TENM1: variants seen among roughly 807,000 people sequenced by gnomAD.
TENM1 encodes the protein teneurin transmembrane protein 1.
A neutral mutation model predicts 174.8 loss-of-function variants in TENM1; 35 were observed. That is an observed-to-expected ratio of 0.20 (90% CI 0.15 to 0.27). The LOEUF is 0.27. Ranked by LOEUF, TENM1 falls within the 10% of genes least tolerant of loss-of-function variation. TENM1 has a pLI of 1.00. For synonymous variants in TENM1, 781 were observed against 798.7 expected, an observed-to-expected ratio of 0.98 and a Z score of 0.37; for missense variants, 1,633 against 2,130.1, an observed-to-expected ratio of 0.77 and a Z score of 4.59.
chrX:124,956,491 T>C (rs2058576114), intron 1 of TENM1, among the ~76,000 whole-genome samples: 1 of 112,243 alleles, frequency 8.9e-6, no homozygotes, highest in African/African-American at 3.2e-5. Flanking sequence ...ATGTCTTCCA[T>C]GGGACAAATA....
chrX:124,559,164 A>C (rs751973266), intron 14 of TENM1, among the ~76,000 whole-genome samples: 1 of 112,211 alleles, frequency 8.9e-6, no homozygotes, highest in African/African-American at 3.2e-5. Context: ...GCCAGAAATT[A>C]TAATTGCATA....
At chrX:124,621,132 C>T (rs749145195) in intron 11 of TENM1, among the ~76,000 whole-genome samples, 1 of 111,837 alleles carries the variant, frequency 8.9e-6, no homozygotes, top group East Asian at 2.8e-4. Flanking sequence ...GGATTTTGTA[C>T]GTTTTCAGAT....
At chrX:124,416,983 T>C (rs757019319) in intron 25 of TENM1, among the ~76,000 whole-genome samples, 6 of 111,800 alleles carry the variant, frequency 5.4e-5, no homozygotes, top group Non-Finnish European at 1.1e-4. Flanking sequence ...CACCAGACAC[T>C]GACTCTGCTG....
At chrX:125,076,762 CCTA>C in the TENM1 span, among the ~76,000 whole-genome samples, 1 of 111,756 alleles carries the variant, frequency 8.9e-6, no homozygotes, top group Non-Finnish European at 1.9e-5. Context: ...TAACAATGTG[CCTA>C]CTAAAAACTC....
chrX:124,629,373 ACTT>A (rs1261023285), intron 11 of TENM1, among the ~76,000 whole-genome samples: 2 of 112,343 alleles, frequency 1.8e-5, no homozygotes, highest in South Asian at 3.7e-4. Flanking sequence ...GAATTTTCAT[ACTT>A]CTTCAAATTA....
chrX:124,723,218 G>A (rs931911379), intron 4 of TENM1, among the ~76,000 whole-genome samples: 3 of 111,701 alleles, frequency 2.7e-5, no homozygotes, highest in Non-Finnish European at 5.6e-5. Context: ...CAAATCCAAC[G>A]TGGTATGTGG....
exon 2 of TENM1, chrX:124,895,982 A>G (rs1388659367): frequency 2.5e-6 from 3 of 1,210,813 alleles, no homozygotes; most frequent in Non-Finnish European, 3.4e-6. Context: ...GTTTATTACC[A>G]TTTTCCCCAT....
At chrX:124,631,570 T>C (rs1020451632) in intron 11 of TENM1, among the ~76,000 whole-genome samples, 8 of 111,367 alleles carry the variant, frequency 7.2e-5, no homozygotes, top group African/African-American at 2.6e-4. Flanking sequence ...TGGGTTCTTA[T>C]ATTCAAGAAG....
chrX:124,573,630 G>A (rs2049104338), intron 11 of TENM1, among the ~76,000 whole-genome samples: 1 of 111,779 alleles, frequency 8.9e-6, no homozygotes, highest in Non-Finnish European at 1.9e-5. Context: ...CCACAACCAC[G>A]AGTCGGATAG....
At chrX:124,471,431 T>TAA (rs2061324855) in intron 22 of TENM1, among the ~76,000 whole-genome samples, 1 of 55,543 alleles carries the variant, frequency 1.8e-5, no homozygotes, top group African/African-American at 7.6e-5. Flanking sequence ...ATATTATATA[T>TAA]TATATAATAT....
At chrX:125,063,673 A>G in the TENM1 span, among the ~76,000 whole-genome samples, 23 of 111,959 alleles carry the variant, frequency 2.1e-4, no homozygotes, top group African/African-American at 7.1e-4. Flanking sequence ...CAGGTGCTAG[A>G]GAGGATGTGG....
chrX:124,895,360 C>T (rs765614790), intron 2 of TENM1, among the ~76,000 whole-genome samples: 1 of 111,806 alleles, frequency 8.9e-6, no homozygotes, highest in South Asian at 3.8e-4. Context: ...AACCCCTTTC[C>T]AACAAATCAA....
intron 3 of TENM1, among the ~76,000 whole-genome samples, chrX:124,794,792 T>A (rs2055267189): frequency 9.0e-6 from 1 of 111,687 alleles, no homozygotes; most frequent in East Asian, 2.8e-4. Flanking sequence ...TAGCTTAGAG[T>A]TTCCTCTGTT....
chrX:124,612,776 ACTATCTAT>A (rs780701836), intron 11 of TENM1, among the ~76,000 whole-genome samples: 1 of 110,357 alleles, frequency 9.1e-6, no homozygotes, highest in Admixed American at 9.7e-5. Context: ...TTTTCTCCCA[ACTATCTAT>A]CTATCTATAT....
In TENM1 at chrX:124,867,127, A is replaced by C. The variant is rs187584901; in HGVS notation, c.535+27169T>G. On this transcript the variant is annotated intron_variant, in intron 3 of 31. Coordinates refer to ENST00000422452, the Ensembl canonical transcript of TENM1. ...AAATACAGGAGGAGACAATACCTCC[A>C]AACTCATTCTATAGGTCCAATATTA... 4.5e-5 allele frequency among the ~76,000 whole-genome samples: 5 copies of C among 111,793 alleles called. No homozygotes were observed. In the Admixed American group the frequency reaches 4.7e-4, roughly 11 times the overall value.
intron 3 of TENM1, among the ~76,000 whole-genome samples, chrX:124,886,614 T>C (rs907407122): frequency 9.8e-6 from 1 of 102,204 alleles, no homozygotes; most frequent in Non-Finnish European, 2.0e-5. Flanking sequence ...TAGTTGACTT[T>C]TACCACTTAA....
intron 3 of TENM1, among the ~76,000 whole-genome samples, chrX:124,750,377 TAA>T (rs757310813): frequency 1.8e-5 from 2 of 111,607 alleles, no homozygotes; most frequent in African/African-American, 6.5e-5. Flanking sequence ...CCAAATGAAA[TAA>T]GTGACCTACA....
chrX:124,708,421 C>A (rs1276755749), intron 4 of TENM1, among the ~76,000 whole-genome samples: 1 of 111,047 alleles, frequency 9.0e-6, no homozygotes, highest in Non-Finnish European at 1.9e-5. Context: ...TTTAAAAATG[C>A]CTATTCTTTG....
chrX:124,970,771 C>G, the TENM1 span, among the ~76,000 whole-genome samples: 17,391 of 110,478 alleles, frequency 0.16, 1,320 homozygotes, highest in Non-Finnish European at 0.23. Flanking sequence ...TTTGACCCAG[C>G]CATCCCATTA....
Sources: gnomAD v4.1 joint callset for allele counts (sites outside exome capture counted in the v4.1 genomes callset) on GRCh38, gnomAD v4.1.1 for gene constraint, MANE v1.5 for transcripts, NCBI Gene and HGNC (gene_info 2026-07-23, HGNC 2026-07-21) for gene names.